Variants in RUNX3 observed in about 807,000 individuals in gnomAD.
RUNX3 encodes RUNX family transcription factor 3.
RUNX3 carries 10 observed loss-of-function variants against 27.7 expected under a neutral mutation model. That is an observed-to-expected ratio of 0.36 (90% CI 0.22 to 0.61). RUNX3 has a LOEUF of 0.61. RUNX3 is among the 20% of genes least tolerant of loss of function. The pLI is 0.72. For synonymous variants in RUNX3, 270 were observed against 269.2 expected, an observed-to-expected ratio of 1.00 and a Z score of -0.03; for missense variants, 469 against 629.5, an observed-to-expected ratio of 0.75 and a Z score of 2.73.
chr1:24,929,988 G>C lies in RUNX3; in HGVS notation c.-120C>G. ...GAAGCGGGAAAGCAGAAGCGGCGGG[G>C]CCCGGGCCTCAGGGCGCAGGGGGCG... On this transcript the variant is annotated 5_prime_UTR_variant, in exon 1 of 5. Coordinates refer to ENST00000308873, the MANE Select transcript of RUNX3 (RefSeq NM_004350.3). 8.5e-7 allele frequency: 1 copy of C among 1,173,022 alleles called. No homozygotes were observed. The highest frequency in any genetic ancestry group is 1.1e-6 in the Non-Finnish European group (1 of 951,672). The allele number at this position is 1,173,022 out of a possible 1,614,324, so 72.7% of individuals were successfully genotyped here. A position where few individuals can be genotyped will look rare whatever the true frequency, so the allele number is the denominator to read the frequency against.
chr1:24,956,502 G>A (rs4288539), intron 2 of RUNX3, among the ~76,000 whole-genome samples: 110,020 of 152,072 alleles, frequency 0.72, 40,793 homozygotes, highest in African/African-American at 0.89. Context: ...TAGCTGCTCT[G>A]TAGGAGATGT....
intron 3 of RUNX3, among the ~76,000 whole-genome samples, chr1:24,907,816 G>A (rs145866205): frequency 0.018 from 2,767 of 149,770 alleles, 91 homozygotes; most frequent in Admixed American, 0.086. Context: ...TACAACACAC[G>A]GTGATCTAAA....
chr1:24,902,580 G>A lies in RUNX3; in HGVS notation c.790C>T (p.Pro264Ser). Residue 264 changes from proline (P) to serine (S), a missense_variant, in exon 5 of 5, where the codon CCA becomes TCA. Around this residue, in one of 3 missense-constraint regions of RUNX3, gnomAD observed 279 missense variants for 343.0 expected, o/e 0.81. Transcript: ENST00000308873. This position sits in a 1 kb window ranked among gnomAD's most constrained non-coding sequence, Gnocchi z 9.2. ...CCGGGATAATGCATCCTGGGGTCTG[G>A]GAAGCGGCTCTCCGTGAGGGTTGGC... ...TLPTLTESRF[P>S]DPRMHYPGAM... 2 of 1,567,146 alleles carry A rather than the reference G, an allele frequency of 1.3e-6. No individual in the cohort carries two copies. The highest frequency in any genetic ancestry group is 1.7e-6 in the Non-Finnish European group (2 of 1,150,980).
Position 24,902,422 on chromosome 1 carries a change from C to CG in RUNX3, c.947dup (p.Gln317AlafsTer70). On this transcript the variant is annotated frameshift_variant, in exon 5 of 5. Transcript: ENST00000308873. LOFTEE classifies it high-confidence loss of function. This position sits in a 1 kb window ranked among gnomAD's most constrained non-coding sequence, Gnocchi z 9.2. The stretch of plus-strand genomic sequence containing the variant: ...CCTGGAAGGGCCCGCTCTGGTTCTG[C>CG]GGGGCCCCCGGGTAGGGTGGCGGGA... 1 of 1,611,338 alleles carries CG rather than the reference C, an allele frequency of 6.2e-7. No individual in the cohort carries two copies. The highest frequency in any genetic ancestry group is 8.5e-7 in the Non-Finnish European group (1 of 1,178,630).
intron 3 of RUNX3, among the ~76,000 whole-genome samples, chr1:24,915,331 A>G (rs1367608618): frequency 6.6e-6 from 1 of 152,138 alleles, no homozygotes; most frequent in African/African-American, 2.4e-5. Context: ...GGCTGAGGCA[A>G]GAGAATCTCC....
chr1:24,907,790 C>T (rs376790607), intron 3 of RUNX3, among the ~76,000 whole-genome samples: 6 of 151,540 alleles, frequency 4.0e-5, no homozygotes, highest in Admixed American at 1.3e-4. Context: ...CTACAACACA[C>T]GGTGATCCAA....
intron 2 of RUNX3, among the ~76,000 whole-genome samples, chr1:24,925,134 C>T (rs1227438108): frequency 6.6e-6 from 1 of 152,218 alleles, no homozygotes; most frequent in Non-Finnish European, 1.5e-5. Context: ...AGTGTCCCAT[C>T]TCCTAAAGTG....
intron 3 of RUNX3, among the ~76,000 whole-genome samples, chr1:24,917,897 C>G (rs938196454): frequency 6.6e-6 from 1 of 152,140 alleles, no homozygotes; most frequent in Non-Finnish European, 1.5e-5. Context: ...AAAACTGAGG[C>G]CACAAAGAAG....
Position 24,902,454 on chromosome 1 carries a change from T to C in RUNX3, c.916A>G (p.Thr306Ala). 1 of 1,603,916 alleles carries C rather than the reference T, an allele frequency of 6.2e-7. No homozygotes were observed. Among genetic ancestry groups the C allele is most frequent in the Non-Finnish European group, 8.5e-7 (1 of 1,172,504 alleles). ...CCCGGGTAGGGTGGCGGGAGGTAGG[T>C]ATGGTGGAAGCGGCTGGTGGCCGGC... The part of the protein sequence containing the change: ...GMPATSRFHH[T>A]YLPPPYPGAP... Residue 306 changes from threonine (T) to alanine (A), a missense_variant, in exon 5 of 5, where the codon ACC becomes GCC. Physicochemically the swap from Thr to Ala is moderately conservative, Grantham distance 58. Coordinates refer to ENST00000308873, the MANE Select transcript of RUNX3 (RefSeq NM_004350.3). This position sits in a 1 kb window ranked among gnomAD's most constrained non-coding sequence, Gnocchi z 9.2.
At chr1:24,952,432 G>A (rs1276248264) in intron 2 of RUNX3, among the ~76,000 whole-genome samples, 6 of 152,208 alleles carry the variant, frequency 3.9e-5, no homozygotes, top group East Asian at 1.9e-4. Flanking sequence ...GACAAGTCCT[G>A]CAGCAAAACA....
chr1:24,919,454 A>G, intron 2 of RUNX3, 110 bp from the exon 3 acceptor site: 1 of 667,164 alleles, frequency 1.5e-6, no homozygotes, highest in Non-Finnish European at 2.6e-6. Flanking sequence ...AAGAAGGGGC[A>G]CTCTGTCCTC....
Position 24,905,269 on chromosome 1 carries a change from C to G in RUNX3, c.703+1990G>C, listed in dbSNP as rs190963731. The stretch of plus-strand genomic sequence containing the variant: ...TTTGTCAGGGACCTCCTTCTCCCCA[C>G]TTCACAGATGAGAAAACTGAGGCTG... On this transcript the variant is annotated intron_variant, in intron 4 of 4. Coordinates refer to ENST00000308873, the MANE Select transcript of RUNX3 (RefSeq NM_004350.3). Among the ~76,000 whole-genome samples, 303 of 152,344 alleles carry G rather than the reference C, an allele frequency of 2.0e-3. 4 individuals carry two copies. The highest frequency in any genetic ancestry group is 6.5e-3 in the African/African-American group (271 of 41,570).
Position 24,902,145 on chromosome 1 carries a change from C to T in RUNX3, c.1225G>A (p.Glu409Lys). The T allele has an allele frequency of 6.4e-7, 1 of 1,563,550 alleles. No homozygotes were observed. The highest frequency in any genetic ancestry group is 1.2e-5 in the South Asian group (1 of 85,404). The change falls in exon 5 of 5, where the codon GAG (glutamate) becomes AAG (lysine). Residue 409 changes from glutamate (E) to lysine (K), a missense_variant. Physicochemically the swap from Glu to Lys is moderately conservative, Grantham distance 56 (BLOSUM62 1). Transcript: ENST00000308873. This position sits in a 1 kb window ranked among gnomAD's most constrained non-coding sequence, Gnocchi z 9.2. Reference protein sequence around the residue: ...TALSTPGRMDEAVWRPY With the variant: ...TALSTPGRMDKAVWRPY ...GGTCAGTAGGGCCGCCACACGGCCT[C>T]ATCCATGCGGCCTGGCGTGCTCAGG...
At chr1:24,929,534 A>C (rs996938140) in intron 1 of RUNX3, 53 bp downstream of exon 1, 13 of 1,512,248 alleles carry the variant, frequency 8.6e-6, no homozygotes, top group Middle Eastern at 1.8e-4. Context: ...CCCGCAGCTC[A>C]GACGCCCGGA....
At chr1:24,934,275 A>C (rs1432671378), upstream of RUNX3, among the ~76,000 whole-genome samples, 1 of 152,246 alleles carries the variant, frequency 6.6e-6, no homozygotes, top group Non-Finnish European at 1.5e-5. Context: ...GTCCAGCTCC[A>C]GAGAGTCCAG....
At chr1:24,949,239 A>G (rs1641695852) in intron 2 of RUNX3, among the ~76,000 whole-genome samples, 1 of 152,106 alleles carries the variant, frequency 6.6e-6, no homozygotes, top group Non-Finnish European at 1.5e-5. Context: ...TGTATGGCTG[A>G]AGAAACAGCA....
chr1:24,918,271 G>C (rs1288120239), intron 3 of RUNX3, among the ~76,000 whole-genome samples: 2 of 152,174 alleles, frequency 1.3e-5, no homozygotes, highest in African/African-American at 4.8e-5. Context: ...GCTCAGCCTA[G>C]AATCTTGCCT....
At position 24,962,085 on chromosome 1, in the gene RUNX3, A is replaced by G. The variant is rs1642129027; in HGVS notation, c.58+2429T>C. 2.6e-5 allele frequency: 4 copies of G among 152,294 alleles called. No homozygotes were observed. The South Asian group carries it at 6.2e-4, about 24-fold the overall frequency. 9.4% of individuals were successfully genotyped at this position (152,294 alleles called of 1,614,324 possible). A position where few individuals can be genotyped will look rare whatever the true frequency, so the allele number is the denominator to read the frequency against. On this transcript the variant is annotated intron_variant, in intron 2 of 6. Transcript: ENST00000338888. This position sits in a 1 kb window ranked among gnomAD's most constrained non-coding sequence, Gnocchi z 4.5. ...TCATATTCCATGGCGATTTTCCACC[A>G]GTGGAAATCACAGGTGTTCTCTGGT...
At chr1:24,941,066 ATT>A (rs1283643266) in intron 2 of RUNX3, among the ~76,000 whole-genome samples, 1 of 152,242 alleles carries the variant, frequency 6.6e-6, no homozygotes, top group South Asian at 2.1e-4. Context: ...TCGTACAATT[ATT>A]CATGATGCAG....
Sources: gnomAD v4.1 joint callset for allele counts (sites outside exome capture counted in the v4.1 genomes callset) on GRCh38, gnomAD v4.1.1 for gene constraint, gnomAD v4.1.1 regional missense constraint, Gnocchi (gnomAD v3.1) non-coding constraint, MANE v1.5 for transcripts, NCBI Gene and HGNC (gene_info 2026-07-23, HGNC 2026-07-21) for gene names.